The following MAML3 variants were observed in gnomAD, a reference collection of about 807,000 sequenced individuals.
The protein encoded by MAML3 is mastermind like transcriptional coactivator 3.
Under a neutral mutation model 101.9 loss-of-function variants are expected in MAML3, and 27 were observed. The ratio of observed to expected loss-of-function variants is 0.27; its 90% confidence interval spans 0.20 to 0.37. MAML3 has a LOEUF of 0.37. Among genes scored for constraint, MAML3 ranks in the 10% least tolerant of loss-of-function variants. The pLI, the probability that MAML3 is intolerant of heterozygous loss-of-function variation, is 1.00. For synonymous variants in MAML3, 501 were observed against 555.9 expected (o/e 0.90, Z 1.39); for missense variants, 1,316 against 1,444.9 (o/e 0.91, Z 1.45).
chr4:139,832,643 T>C (rs1045937178), intron 2 of MAML3, among the ~76,000 whole-genome samples: 2 of 152,184 alleles, frequency 1.3e-5, no homozygotes, highest in African/African-American at 4.8e-5. Context: ...CAACAGGAAT[T>C]GTGCCTGGTG....
At chr4:140,015,608 C>A (rs1726629587) in intron 1 of MAML3, among the ~76,000 whole-genome samples, 1 of 152,148 alleles carries the variant, frequency 6.6e-6, no homozygotes, top group South Asian at 2.1e-4. Flanking sequence ...TGTTATTCAA[C>A]AAAGTGTTGG....
intron 1 of MAML3, among the ~76,000 whole-genome samples, chr4:140,126,189 A>AG (rs1449413266): frequency 1.3e-5 from 2 of 151,584 alleles, no homozygotes. Flanking sequence ...AAAAAAAAAA[A>AG]AAAGGAAGCC....
At chr4:139,836,339 A>G (rs1381476047) in intron 2 of MAML3, among the ~76,000 whole-genome samples, 2 of 152,222 alleles carry the variant, frequency 1.3e-5, no homozygotes, top group Non-Finnish European at 2.9e-5. Flanking sequence ...CAGTAAATGA[A>G]AAAAGCTAGA....
intron 2 of MAML3, among the ~76,000 whole-genome samples, chr4:139,808,797 C>T (rs1391166773): frequency 4.6e-5 from 7 of 152,132 alleles, no homozygotes; most frequent in Non-Finnish European, 8.8e-5. Context: ...ATTATGCTTT[C>T]GAAAAATATA....
intron 1 of MAML3, among the ~76,000 whole-genome samples, chr4:140,083,955 CACACACACACACAGAGAGAG>C (rs1279944699): frequency 3.7e-5 from 1 of 26,860 alleles, no homozygotes; most frequent in African/African-American, 1.2e-4. Flanking sequence ...CACACACACA[CACACACACACACAGAGAGAG>C]AGAGAGAGAG....
At chr4:139,984,368 T>A (rs1000069502) in intron 1 of MAML3, among the ~76,000 whole-genome samples, 7 of 152,098 alleles carry the variant, frequency 4.6e-5, no homozygotes, top group Admixed American at 2.0e-4. Flanking sequence ...GTGCTAAAAT[T>A]AACTGTAAAT....
intron 2 of MAML3, among the ~76,000 whole-genome samples, chr4:139,765,601 C>G (rs1219596857): frequency 6.6e-6 from 1 of 152,146 alleles, no homozygotes; most frequent in Non-Finnish European, 1.5e-5. Context: ...TAGTAAATGG[C>G]AAAGGACATG....
chr4:139,883,881 T>C (rs1332206128), intron 2 of MAML3, among the ~76,000 whole-genome samples: 1 of 145,094 alleles, frequency 6.9e-6, no homozygotes, highest in Admixed American at 7.3e-5. Context: ...TTTTAAATAA[T>C]TGCTTGTCTT....
At chr4:140,140,011 G>C (rs1471147252) in intron 1 of MAML3, among the ~76,000 whole-genome samples, 4 of 152,212 alleles carry the variant, frequency 2.6e-5, no homozygotes, top group African/African-American at 7.2e-5. Context: ...TGCATGACCA[G>C]AGCAGCACCT....
intron 1 of MAML3, among the ~76,000 whole-genome samples, chr4:140,063,136 T>C (rs1014723719): frequency 3.3e-5 from 5 of 152,132 alleles, no homozygotes; most frequent in Non-Finnish European, 5.9e-5. Context: ...CTTAAGACCA[T>C]AGGGCTATTA....
intron 1 of MAML3, among the ~76,000 whole-genome samples, chr4:139,971,655 A>G (rs187040352): frequency 9.2e-5 from 14 of 152,198 alleles, no homozygotes; most frequent in Admixed American, 2.6e-4. Flanking sequence ...TTATTTTCAT[A>G]TGGTAAATTC....
chr4:139,984,541 G>T (rs1222770699), intron 1 of MAML3, among the ~76,000 whole-genome samples: 4 of 152,122 alleles, frequency 2.6e-5, no homozygotes, highest in Non-Finnish European at 4.4e-5. Flanking sequence ...ACAAGACAAG[G>T]TTAAATACTT....
chr4:139,775,935 C>T (rs1730087578), intron 2 of MAML3, among the ~76,000 whole-genome samples: 1 of 152,168 alleles, frequency 6.6e-6, no homozygotes, highest in African/African-American at 2.4e-5. Context: ...TACTCTGCAC[C>T]TTCCCCCAAC....
chr4:139,944,993 T>C (rs1206240407), intron 1 of MAML3, among the ~76,000 whole-genome samples: 2 of 151,872 alleles, frequency 1.3e-5, no homozygotes. Context: ...TAAAGACACA[T>C]GCACACGTAT....
At chr4:140,086,888 G>A (rs1290201481) in intron 1 of MAML3, among the ~76,000 whole-genome samples, 3 of 152,190 alleles carry the variant, frequency 2.0e-5, no homozygotes, top group Non-Finnish European at 4.4e-5. Flanking sequence ...GGCCGGGCAC[G>A]GTGGCTCACG....
rs1265328970 is a variant in MAML3 at position 140,153,070 on chromosome 4, C to T, written c.258G>A (p.Arg86=). ...ACCTGTTCTCGCAGTTGACGTGGTG[C>T]CGACGGCAGCCCTCGATGCGCTGGC... ...RLRQRIEGCR[R]HHVNCENRYQ... Residue 86 remains arginine, a synonymous_variant, in exon 1 of 5, where the codon CGG becomes CGA. Transcript: ENST00000509479. 1 of 1,563,278 alleles carries T rather than the reference C, an allele frequency of 6.4e-7. No individual in the cohort carries two copies. Among genetic ancestry groups the T allele is most frequent in the Non-Finnish European group, 8.7e-7 (1 of 1,153,744 alleles).
At chr4:139,951,027 C>T (rs563197716) in intron 1 of MAML3, among the ~76,000 whole-genome samples, 9 of 152,334 alleles carry the variant, frequency 5.9e-5, no homozygotes, top group African/African-American at 2.2e-4. Flanking sequence ...TCACATTTTG[C>T]TTACTGCCAA....
chr4:140,004,453 A>G (rs1256603633), intron 1 of MAML3, among the ~76,000 whole-genome samples: 1 of 152,220 alleles, frequency 6.6e-6, no homozygotes, highest in African/African-American at 2.4e-5. Context: ...GAAGCTCATA[A>G]GAAACCTCTC....
At position 139,832,542 on chromosome 4, in the gene MAML3, G is replaced by A. The variant is rs538879032; in HGVS notation, c.2079+56815C>T. 1.3e-4 allele frequency among the ~76,000 whole-genome samples: 20 copies of A among 152,146 alleles called. No homozygotes were observed. The South Asian group carries it at 4.1e-3, about 32-fold the overall frequency. ...GAGAAGCTATAAAAAGTGAAGCACCGTCCACCTTTATTCACTGTTTCTTCC... is the reference window on the plus strand; with the variant it reads ...GAGAAGCTATAAAAAGTGAAGCACCATCCACCTTTATTCACTGTTTCTTCC... On this transcript the variant is annotated intron_variant, in intron 2 of 4. Transcript: ENST00000509479.
Sources: gnomAD v4.1 joint callset for allele counts (sites outside exome capture counted in the v4.1 genomes callset) on GRCh38, gnomAD v4.1.1 for gene constraint, MANE v1.5 for transcripts, NCBI Gene and HGNC (gene_info 2026-07-23, HGNC 2026-07-21) for gene names.